The following LPGAT1 variants were observed in gnomAD, a reference collection of about 807,000 sequenced individuals.
LPGAT1 encodes the protein lysophosphatidylglycerol acyltransferase 1, also known as acyl-CoA:lysophosphatidylglycerol acyltransferase 1.
Under a neutral mutation model 47.5 loss-of-function variants are expected in LPGAT1, and 11 were observed. That is an observed-to-expected ratio of 0.23 (90% CI 0.15 to 0.38). LPGAT1 has a LOEUF of 0.38. LPGAT1 is among the 10% of genes least tolerant of loss of function. The pLI is 1.00. For synonymous variants in LPGAT1, 138 were observed against 144.2 expected, an observed-to-expected ratio of 0.96 and a Z score of 0.31; for missense variants, 293 against 439.0, an observed-to-expected ratio of 0.67 and a Z score of 2.97.
At chr1:211,762,559 C>A (rs1404221326) in intron 6 of LPGAT1, among the ~76,000 whole-genome samples, 1 of 152,164 alleles carries the variant, frequency 6.6e-6, no homozygotes, top group Non-Finnish European at 1.5e-5. Context: ...GAATACCAGT[C>A]CTCTTGAAAT....
At chr1:211,757,082 CCT>C (rs1431669176) in intron 6 of LPGAT1, among the ~76,000 whole-genome samples, 1 of 151,830 alleles carries the variant, frequency 6.6e-6, no homozygotes. Flanking sequence ...CATGGTGAAA[CCT>C]CGTCTCTACT....
Position 211,787,720 on chromosome 1 carries a change from G to A in LPGAT1, c.365C>T (p.Ala122Val), listed in dbSNP as rs1658942936. 6.3e-7 allele frequency: 1 copy of A among 1,595,094 alleles called. No homozygotes were observed. The highest frequency in any genetic ancestry group is 1.3e-5 in the African/African-American group (1 of 74,078). ...ATGATCCATCAACCACATCATCTGA[G>A]CAACAACCTAAAATATTTAAAAGCA... ...MCLQDKGLVV[A>V]QMMWLMDHIF... Residue 122 changes from alanine to valine, a missense_variant, in exon 4 of 8, where the codon GCT becomes GTT. Physicochemically the swap from Ala to Val is moderately conservative, Grantham distance 64. Transcript: ENST00000366997.
chr1:211,825,577 C>A (rs1660521580), intron 2 of LPGAT1, among the ~76,000 whole-genome samples: 1 of 152,122 alleles, frequency 6.6e-6, no homozygotes, highest in African/African-American at 2.4e-5. Context: ...GCTAGTATCT[C>A]TTTTGGTTTG....
intron 6 of LPGAT1, among the ~76,000 whole-genome samples, chr1:211,775,317 AAAAT>A (rs1558262776): frequency 6.6e-6 from 1 of 152,152 alleles, no homozygotes; most frequent in South Asian, 2.1e-4. Flanking sequence ...ACTCTGTCTC[AAAAT>A]AAATAAATAA....
intron 3 of LPGAT1, among the ~76,000 whole-genome samples, chr1:211,790,040 T>C (rs890148012): frequency 1.3e-5 from 2 of 152,222 alleles, no homozygotes; most frequent in African/African-American, 4.8e-5. Flanking sequence ...AATCAATCTA[T>C]ATCAATTATT....
chr1:211,768,788 G>A (rs537058374), intron 6 of LPGAT1, among the ~76,000 whole-genome samples: 1 of 152,240 alleles, frequency 6.6e-6, no homozygotes, highest in Non-Finnish European at 1.5e-5. Flanking sequence ...TAGACTGAGG[G>A]GAACAACTGC....
At position 211,830,444 on chromosome 1, in the gene LPGAT1, C is replaced by T; in HGVS notation, c.-28+129G>A. On this transcript the variant is annotated intron_variant, in intron 1 of 7. Coordinates refer to ENST00000366997, the MANE Select transcript of LPGAT1 (RefSeq NM_014873.3). The surrounding 1 kb of genome is among the most constrained non-coding windows in gnomAD (Gnocchi z 5.9). ...CCTCCTCCCCGGGGCCTACCGCGCC[C>T]TCGTCCCTCAGGCCGCTGCCGCCTC... 5.1e-6 allele frequency: 6 copies of T among 1,179,098 alleles called. No homozygotes were observed. Among genetic ancestry groups the T allele is most frequent in the Non-Finnish European group, 6.3e-6 (6 of 951,962 alleles). The allele number at this position is 1,179,098 out of a possible 1,614,324, so 73.0% of individuals were successfully genotyped here.
At chr1:211,796,527 C>A (rs1393072780) in intron 2 of LPGAT1, among the ~76,000 whole-genome samples, 1 of 152,146 alleles carries the variant, frequency 6.6e-6, no homozygotes, top group East Asian at 1.9e-4. Context: ...GAGAGCATGG[C>A]CCTGCTGACG....
chr1:211,787,151 A>G (rs1013766329), intron 4 of LPGAT1, among the ~76,000 whole-genome samples: 6 of 152,194 alleles, frequency 3.9e-5, no homozygotes, highest in Non-Finnish European at 7.4e-5. Context: ...CCATACTCAA[A>G]TTTAGATTGA....
intron 4 of LPGAT1, 121 bp downstream of exon 4, chr1:211,787,511 C>T: frequency 2.8e-6 from 1 of 356,986 alleles, no homozygotes; most frequent in South Asian, 6.8e-5. Flanking sequence ...AAAAAAAAAG[C>T]TCCCTAAGAC....
intron 6 of LPGAT1, among the ~76,000 whole-genome samples, chr1:211,771,650 C>T (rs760893895): frequency 1.6e-4 from 24 of 151,884 alleles, no homozygotes; most frequent in Non-Finnish European, 3.1e-4. Context: ...ATTACAGGCG[C>T]TCACCACCAT....
At chr1:211,776,079 T>C (rs1571716479) in intron 6 of LPGAT1, among the ~76,000 whole-genome samples, 1 of 151,830 alleles carries the variant, frequency 6.6e-6, no homozygotes, top group African/African-American at 2.4e-5. Context: ...ATTACAGAAC[T>C]CTAGGCTTCT....
intron 2 of LPGAT1, among the ~76,000 whole-genome samples, chr1:211,817,887 T>C (rs965854086): frequency 6.6e-6 from 1 of 152,058 alleles, no homozygotes; most frequent in East Asian, 1.9e-4. Flanking sequence ...CAGGCTGGAG[T>C]GCAGTGGTGC....
At chr1:211,809,184 G>A (rs1005173906) in intron 2 of LPGAT1, among the ~76,000 whole-genome samples, 13 of 151,786 alleles carry the variant, frequency 8.6e-5, no homozygotes, top group East Asian at 3.9e-4. Flanking sequence ...CAGCCTGGGC[G>A]ACAGTGCGAG....
chr1:211,789,869 CAA>C (rs10651480), intron 3 of LPGAT1, among the ~76,000 whole-genome samples: 1 of 138,474 alleles, frequency 7.2e-6, no homozygotes, highest in African/African-American at 2.6e-5. Flanking sequence ...GACTCTGTCT[CAA>C]AAAAAAAAAA....
chr1:211,815,937 C>G (rs1356150953), intron 2 of LPGAT1, among the ~76,000 whole-genome samples: 1 of 151,946 alleles, frequency 6.6e-6, no homozygotes, highest in East Asian at 1.9e-4. Flanking sequence ...CGCCACCACG[C>G]CCGGCTAATT....
chr1:211,760,657 T>C (rs1221494303), intron 6 of LPGAT1, among the ~76,000 whole-genome samples: 1 of 152,176 alleles, frequency 6.6e-6, no homozygotes, highest in Non-Finnish European at 1.5e-5. Flanking sequence ...GGTGCATACT[T>C]AAAAGCAAAC....
Position 211,743,583 on chromosome 1 carries a change from A to C in LPGAT1, c.*6316T>G, listed in dbSNP as rs1656834590. ...TTTCCTTTTAAAAATACATTTGTTC[A>C]GCAGGAAAAAACATTTTAAAAACAA... On this transcript the variant is annotated 3_prime_UTR_variant, in exon 8 of 8. Transcript: ENST00000366997. 6.6e-6 allele frequency: 1 copy of C among 152,224 alleles called. No homozygotes were observed. The highest frequency in any genetic ancestry group is 6.5e-5 in the Admixed American group (1 of 15,280). The allele number at this position is 152,224 out of a possible 1,614,324, so 9.4% of individuals were successfully genotyped here. A position where few individuals can be genotyped will look rare whatever the true frequency, so the allele number is the denominator to read the frequency against.
At chr1:211,787,396 G>A (rs1658924149) in intron 4 of LPGAT1, among the ~76,000 whole-genome samples, 1 of 150,446 alleles carries the variant, frequency 6.6e-6, no homozygotes, top group South Asian at 2.1e-4. Flanking sequence ...GCTGAGGCAT[G>A]AGAATCACTT....
Sources: gnomAD v4.1 joint callset for allele counts (sites outside exome capture counted in the v4.1 genomes callset) on GRCh38, gnomAD v4.1.1 for gene constraint, Gnocchi (gnomAD v3.1) non-coding constraint, MANE v1.5 for transcripts, NCBI Gene and HGNC (gene_info 2026-07-23, HGNC 2026-07-21) for gene names.